Variants in COMMD10 observed in about 807,000 individuals in gnomAD.
COMMD10 encodes the protein COMM domain-containing protein 10.
In COMMD10, 33 loss-of-function variants were observed where a neutral mutation model predicts 28.9. That is an observed-to-expected ratio of 1.14 (90% CI 0.87 to 1.53). The LOEUF is 1.53. Among genes scored for constraint, COMMD10 ranks in the 40% most tolerant of loss-of-function variants. The probability of loss-of-function intolerance (pLI) is 0.00; values close to 1 mark genes in which losing one functional copy is unlikely to be tolerated. For missense variants in COMMD10, 310 were observed against 233.4 expected, an observed-to-expected ratio of 1.33 and a Z score of -2.14; for synonymous variants, 110 against 81.7, an observed-to-expected ratio of 1.35 and a Z score of -1.87.
At position 116,194,510 on chromosome 5, in the gene COMMD10, C is replaced by T. The variant is rs987479561; in HGVS notation, c.510+60332C>T. ...TATTACAACTGACACTCCTGAACTA[C>T]AAAAGATCATTCAAGGCTACTGTGA... On this transcript the variant is annotated intron_variant, in intron 5 of 6. Transcript: ENST00000274458. Among the ~76,000 whole-genome samples, 5 of 152,110 alleles carry T rather than the reference C, an allele frequency of 3.3e-5. No individual in the cohort carries two copies. In the East Asian group the frequency reaches 7.7e-4, roughly 23 times the overall value.
At chr5:116,115,203 C>G (rs1751191528) in intron 4 of COMMD10, among the ~76,000 whole-genome samples, 1 of 152,048 alleles carries the variant, frequency 6.6e-6, no homozygotes, top group Non-Finnish European at 1.5e-5. Flanking sequence ...TGGTTGCTTC[C>G]CAAGTCAAAT....
chr5:116,216,826 A>C (rs540978669), intron 5 of COMMD10, among the ~76,000 whole-genome samples: 22 of 152,270 alleles, frequency 1.4e-4, no homozygotes, highest in African/African-American at 5.3e-4. Context: ...GAGCCACTGC[A>C]CCGGGCCCTA....
chr5:116,158,085 C>T (rs1432246749), intron 5 of COMMD10, among the ~76,000 whole-genome samples: 2 of 151,002 alleles, frequency 1.3e-5, no homozygotes, highest in African/African-American at 4.9e-5. Flanking sequence ...CTCTCCAAGG[C>T]CTTCAAGCAG....
At position 116,098,920 on chromosome 5, in the gene COMMD10, T is replaced by C. The variant is rs1007667012; in HGVS notation, c.399+6220T>C. On this transcript the variant is annotated intron_variant, in intron 4 of 6. Coordinates refer to ENST00000274458, the MANE Select transcript of COMMD10 (RefSeq NM_016144.4). ...TTGTGTAATGATTACCATAATCAAATTAATCAACATATCTGTCACCACACA... is the reference window on the plus strand; with the variant it reads ...TTGTGTAATGATTACCATAATCAAACTAATCAACATATCTGTCACCACACA... 5.3e-5 allele frequency among the ~76,000 whole-genome samples: 8 copies of C among 152,190 alleles called. No homozygotes were observed. In the East Asian group the frequency reaches 1.5e-3, roughly 29 times the overall value.
At chr5:116,225,136 T>C (rs79300245) in intron 5 of COMMD10, among the ~76,000 whole-genome samples, 2,453 of 152,056 alleles carry the variant, frequency 0.016, 70 homozygotes, top group African/African-American at 0.057. Context: ...AGATCTAGAG[T>C]TTTCTGTTTT....
At chr5:116,192,135 C>A (rs573352127) in intron 5 of COMMD10, among the ~76,000 whole-genome samples, 1 of 152,144 alleles carries the variant, frequency 6.6e-6, no homozygotes, top group East Asian at 1.9e-4. Context: ...CAAGGGAACA[C>A]CCCATGGGAC....
At chr5:116,234,698 C>A (rs753066828) in intron 5 of COMMD10, among the ~76,000 whole-genome samples, 4 of 152,094 alleles carry the variant, frequency 2.6e-5, no homozygotes, top group African/African-American at 9.7e-5. Flanking sequence ...ACACACAGAT[C>A]GAGTTAGGAA....
chr5:116,238,864 T>C (rs1749744049), intron 5 of COMMD10, among the ~76,000 whole-genome samples: 1 of 152,224 alleles, frequency 6.6e-6, no homozygotes, highest in South Asian at 2.1e-4. Context: ...CTTACAAATA[T>C]GTATCTGTTT....
chr5:116,127,328 G>A (rs2112762194), intron 4 of COMMD10, among the ~76,000 whole-genome samples: 1 of 152,262 alleles, frequency 6.6e-6, no homozygotes, highest in South Asian at 2.1e-4. Context: ...ACCTTTGGTG[G>A]GAGTGTAAAC....
intron 5 of COMMD10, among the ~76,000 whole-genome samples, chr5:116,140,618 A>G (rs1752169027): frequency 6.6e-6 from 1 of 151,798 alleles, no homozygotes; most frequent in Non-Finnish European, 1.5e-5. Flanking sequence ...TAGTCATTCT[A>G]ACAGTTGTGA....
intron 5 of COMMD10, among the ~76,000 whole-genome samples, chr5:116,225,479 G>A (rs1007934324): frequency 6.7e-6 from 1 of 150,334 alleles, no homozygotes; most frequent in Non-Finnish European, 1.5e-5. Context: ...TGTTCTAGTA[G>A]GCAATTAACT....
At chr5:116,137,722 C>CT (rs1752069898) in intron 5 of COMMD10, among the ~76,000 whole-genome samples, 1 of 151,980 alleles carries the variant, frequency 6.6e-6, no homozygotes, top group Admixed American at 6.6e-5. Flanking sequence ...GTTTTAATTG[C>CT]TATCACACTG....
chr5:116,197,933 A>G (rs931778486), intron 5 of COMMD10, among the ~76,000 whole-genome samples: 12 of 152,158 alleles, frequency 7.9e-5, no homozygotes, highest in Non-Finnish European at 5.9e-5. Context: ...GCCCAGAACT[A>G]TGGATGCTTT....
chr5:116,149,150 C>T (rs1263252929), intron 5 of COMMD10, among the ~76,000 whole-genome samples: 1 of 146,284 alleles, frequency 6.8e-6, no homozygotes, highest in African/African-American at 2.7e-5. Context: ...ATGATGATAT[C>T]CAATTTCATC....
chr5:116,207,599 C>T (rs1174983392), intron 5 of COMMD10, among the ~76,000 whole-genome samples: 1 of 152,078 alleles, frequency 6.6e-6, no homozygotes, highest in Non-Finnish European at 1.5e-5. Flanking sequence ...GATCTGGGCT[C>T]ACTGCAGCCT....
chr5:116,189,561 C>G (rs898804736), intron 5 of COMMD10, among the ~76,000 whole-genome samples: 3 of 152,172 alleles, frequency 2.0e-5, no homozygotes, highest in South Asian at 2.1e-4. Flanking sequence ...AACCAGAAAT[C>G]ACTTCCATTC....
chr5:116,174,552 C>G (rs181924135), intron 5 of COMMD10, among the ~76,000 whole-genome samples: 6 of 152,052 alleles, frequency 3.9e-5, no homozygotes, highest in African/African-American at 1.4e-4. Context: ...CATTCAGTCA[C>G]GAGATGGTAG....
intron 5 of COMMD10, among the ~76,000 whole-genome samples, chr5:116,152,630 A>C (rs951313910): frequency 7.2e-5 from 11 of 152,128 alleles, no homozygotes; most frequent in African/African-American, 2.7e-4. Context: ...CAGTTTTAGA[A>C]TAAGAGAATA....
chr5:116,218,399 G>C (rs1216423092), intron 5 of COMMD10: 1 of 484,062 alleles, frequency 2.1e-6, no homozygotes, highest in East Asian at 4.5e-5. Flanking sequence ...TGTTCATACT[G>C]CTCCAAATCA....
Sources: allele counts gnomAD v4.1 joint callset (sites outside exome capture counted in the v4.1 genomes callset), GRCh38; gene constraint gnomAD v4.1.1; transcripts MANE v1.5; gene names NCBI Gene and HGNC (gene_info 2026-07-23, HGNC 2026-07-21).